The following MACROD2 variants were observed in gnomAD, a reference collection of about 807,000 sequenced individuals.
MACROD2 encodes mono-ADP ribosylhydrolase 2.
In MACROD2, 36 loss-of-function variants were observed where a neutral mutation model predicts 70.4. The ratio of observed to expected loss-of-function variants is 0.51; its 90% CI spans 0.39 to 0.68. The LOEUF is 0.68. MACROD2 is among the 30% of genes least tolerant of loss of function. The pLI is 0.00. For missense variants in MACROD2, 496 were observed against 538.4 expected (o/e 0.92, Z 0.78); for synonymous variants, 172 against 178.8 (o/e 0.96, Z 0.30).
At chr20:15,251,881 A>C (rs569390218) in intron 6 of MACROD2, among the ~76,000 whole-genome samples, 1 of 152,336 alleles carries the variant, frequency 6.6e-6, no homozygotes, top group Non-Finnish European at 1.5e-5. Flanking sequence ...TACTGTTTGA[A>C]GTTGATAAGC....
chr20:15,527,109 A>T (rs1379721203), intron 8 of MACROD2, among the ~76,000 whole-genome samples: 2 of 152,180 alleles, frequency 1.3e-5, no homozygotes, highest in Non-Finnish European at 2.9e-5. Context: ...GTCTGAGCTC[A>T]GAGCATCAAG....
At chr20:14,933,427 C>G (rs1372210194) in intron 5 of MACROD2, among the ~76,000 whole-genome samples, 2 of 151,994 alleles carry the variant, frequency 1.3e-5, no homozygotes, top group Non-Finnish European at 2.9e-5. Flanking sequence ...GGCCTATAAT[C>G]CCAGCACTTT....
intron 8 of MACROD2, among the ~76,000 whole-genome samples, chr20:15,643,397 A>G (rs2049491925): frequency 6.6e-6 from 1 of 152,196 alleles, no homozygotes; most frequent in South Asian, 2.1e-4. Context: ...TCATTTCCTT[A>G]AAGAGACTTT....
At chr20:14,650,226 G>T (rs1209577308) in intron 4 of MACROD2, among the ~76,000 whole-genome samples, 1 of 152,102 alleles carries the variant, frequency 6.6e-6, no homozygotes, top group Admixed American at 6.6e-5. Flanking sequence ...AATGAGTTAG[G>T]TGTGTCTGGG....
chr20:15,848,080 T>A (rs2064253612), intron 8 of MACROD2, among the ~76,000 whole-genome samples: 1 of 152,222 alleles, frequency 6.6e-6, no homozygotes. Context: ...ATATTCATAA[T>A]AAATGTTGTT....
At chr20:15,173,606 G>A (rs1455978769) in intron 5 of MACROD2, among the ~76,000 whole-genome samples, 1 of 152,020 alleles carries the variant, frequency 6.6e-6, no homozygotes. Context: ...CTGGAAGCTG[G>A]CTGAATTTCA....
chr20:15,531,166 GAATA>G lies in MACROD2; in HGVS notation c.645+31324_645+31327del, dbSNP rs568697255. 3.6e-3 allele frequency among the ~76,000 whole-genome samples: 543 copies of G among 151,400 alleles called. 2 individuals carry two copies. Among genetic ancestry groups the G allele is most frequent in the African/African-American group, 0.012 (517 of 41,396 alleles). ...TAAATGTATTTGTTGAAAATTACCA[GAATA>G]AATAGGAAAAAAATTTTAATATTTT... is the stretch of plus-strand genomic sequence containing the variant. On this transcript the variant is annotated intron_variant, in intron 8 of 17. Transcript: ENST00000684519.
At chr20:15,207,632 G>A (rs1288168129) in intron 5 of MACROD2, among the ~76,000 whole-genome samples, 4 of 151,490 alleles carry the variant, frequency 2.6e-5, no homozygotes, top group Admixed American at 6.6e-5. Flanking sequence ...CAGTAGAGAC[G>A]GGGTTTCACC....
At chr20:15,198,033 C>T (rs1291190850) in intron 5 of MACROD2, among the ~76,000 whole-genome samples, 3 of 147,198 alleles carry the variant, frequency 2.0e-5, no homozygotes, top group African/African-American at 7.5e-5. Context: ...TCAGTCTCAG[C>T]TTACTGTAAA....
intron 6 of MACROD2, among the ~76,000 whole-genome samples, chr20:15,431,000 A>G (rs538339546): frequency 3.8e-4 from 58 of 152,164 alleles, no homozygotes; most frequent in African/African-American, 1.3e-3. Context: ...GTATTTTACC[A>G]TACACATACG....
chr20:15,335,909 A>T (rs1010419817), intron 6 of MACROD2, among the ~76,000 whole-genome samples: 1 of 151,586 alleles, frequency 6.6e-6, no homozygotes, highest in Non-Finnish European at 1.5e-5. Flanking sequence ...TTCATGCCCA[A>T]GGGGTCTATT....
intron 8 of MACROD2, among the ~76,000 whole-genome samples, chr20:15,673,364 A>T (rs1020469468): frequency 6.6e-6 from 1 of 152,140 alleles, no homozygotes; most frequent in Non-Finnish European, 1.5e-5. Context: ...TTTATTAGTT[A>T]CTCATCAGGG....
At chr20:15,416,768 G>GT (rs1332302358) in intron 6 of MACROD2, among the ~76,000 whole-genome samples, 1 of 90,992 alleles carries the variant, frequency 1.1e-5, no homozygotes, top group Admixed American at 9.8e-5. Context: ...GCGGGGCGGT[G>GT]GGGGGGCGCC....
intron 8 of MACROD2, among the ~76,000 whole-genome samples, chr20:15,774,273 A>T (rs971711621): frequency 2.0e-5 from 3 of 152,016 alleles, no homozygotes; most frequent in African/African-American, 7.2e-5. Flanking sequence ...AGCTATAAAG[A>T]CTCTAAGCAG....
rs932974574 is a variant in MACROD2 at position 15,622,714 on chromosome 20, C to T, written c.645+122867C>T. Among the ~76,000 whole-genome samples the T allele has an allele frequency of 3.3e-5, 5 of 152,180 alleles. No individual in the cohort carries two copies. In the South Asian group the frequency reaches 8.3e-4, roughly 25 times the overall value. On this transcript the variant is annotated intron_variant, in intron 8 of 17. Transcript: ENST00000684519. Reference sequence around the variant, plus strand: ...TCATCCACCTCACTTCATCTCCTCACGTTGGCACATCACAGGAAAAAGGGT... The same window carrying T: ...TCATCCACCTCACTTCATCTCCTCATGTTGGCACATCACAGGAAAAAGGGT...
At chr20:15,287,100 A>T (rs909537491) in intron 6 of MACROD2, among the ~76,000 whole-genome samples, 7 of 152,208 alleles carry the variant, frequency 4.6e-5, no homozygotes, top group African/African-American at 1.7e-4. Flanking sequence ...CTCCTTTGTC[A>T]AGGGAGGGTT....
At chr20:15,620,088 CCAAGCAGTT>C (rs2049103592) in intron 8 of MACROD2, among the ~76,000 whole-genome samples, 1 of 152,072 alleles carries the variant, frequency 6.6e-6, no homozygotes, top group Non-Finnish European at 1.5e-5. Context: ...AAGGCTGAAT[CCAAGCAGTT>C]CTCCAGGACA....
Position 14,343,466 on chromosome 20 carries a change from C to T in MACROD2, c.272-150013C>T, listed in dbSNP as rs78952884. 3.3e-4 allele frequency among the ~76,000 whole-genome samples: 50 copies of T among 152,170 alleles called. No homozygotes were observed. The East Asian group carries it at 8.7e-3, about 26-fold the overall frequency. On this transcript the variant is annotated intron_variant, in intron 3 of 17. Transcript: ENST00000684519. ...GGATGTAATAGTTCACTACTAAATC[C>T]GAGAAAGCACATACCAAGACTGAGT...
At chr20:14,794,623 AT>A (rs1232589710) in intron 5 of MACROD2, among the ~76,000 whole-genome samples, 2 of 152,122 alleles carry the variant, frequency 1.3e-5, no homozygotes, top group Non-Finnish European at 2.9e-5. Flanking sequence ...GAATTTTGGT[AT>A]TTACAAGTTT....
Sources: allele counts gnomAD v4.1 joint callset (sites outside exome capture counted in the v4.1 genomes callset), GRCh38; gene constraint gnomAD v4.1.1; transcripts MANE v1.5; gene names NCBI Gene and HGNC (gene_info 2026-07-23, HGNC 2026-07-21).